KCNH7: variants seen among roughly 807,000 people sequenced by gnomAD.
KCNH7 encodes the protein voltage-gated inwardly rectifying potassium channel KCNH7.
KCNH7 carries 49 observed loss-of-function variants against 120.8 expected under a neutral mutation model. The observed-to-expected ratio is 0.41, with a 90% CI of 0.32 to 0.51. KCNH7 has a LOEUF of 0.51. Among genes scored for constraint, KCNH7 ranks in the 20% least tolerant of loss-of-function variants. The pLI is 0.38. For synonymous variants in KCNH7, 547 were observed against 516.1 expected (o/e 1.06, Z -0.81); for missense variants, 1,097 against 1,446.6 (o/e 0.76, Z 3.92).
intron 2 of KCNH7, among the ~76,000 whole-genome samples, chr2:162,566,956 G>T (rs970311446): frequency 1.8e-4 from 28 of 151,916 alleles, no homozygotes; most frequent in South Asian, 4.2e-4. Context: ...GTATTCAAAG[G>T]ATAAAGTCTA....
intron 2 of KCNH7, among the ~76,000 whole-genome samples, chr2:162,735,684 T>A (rs1330027007): frequency 2.0e-5 from 3 of 152,188 alleles, no homozygotes; most frequent in Non-Finnish European, 4.4e-5. Flanking sequence ...TTCCTCAGCC[T>A]TCTGCTCACA....
intron 2 of KCNH7, among the ~76,000 whole-genome samples, chr2:162,764,760 A>G (rs1279073329): frequency 2.0e-5 from 3 of 152,196 alleles, no homozygotes; most frequent in Non-Finnish European, 1.5e-5. Flanking sequence ...AATATCTTTA[A>G]GCAGATGCAG....
chr2:162,476,959 C>T (rs1689766293), intron 6 of KCNH7, among the ~76,000 whole-genome samples: 1 of 152,104 alleles, frequency 6.6e-6, no homozygotes, highest in Non-Finnish European at 1.5e-5. Flanking sequence ...AAGTTGTAGC[C>T]TTGGGCATCA....
intron 9 of KCNH7, among the ~76,000 whole-genome samples, chr2:162,417,287 T>C (rs1226783819): frequency 6.6e-6 from 1 of 152,172 alleles, no homozygotes; most frequent in Non-Finnish European, 1.5e-5. Flanking sequence ...TTCCAAAGAA[T>C]CTGTTATAAC....
At chr2:162,556,696 C>A (rs1692869905) in intron 2 of KCNH7, among the ~76,000 whole-genome samples, 1 of 152,122 alleles carries the variant, frequency 6.6e-6, no homozygotes, top group African/African-American at 2.4e-5. Flanking sequence ...ATCTCAAAAT[C>A]CTCACACAAA....
At chr2:162,778,710 T>C (rs988600718) in intron 2 of KCNH7, among the ~76,000 whole-genome samples, 1 of 152,200 alleles carries the variant, frequency 6.6e-6, no homozygotes, top group African/African-American at 2.4e-5. Context: ...CAAAAAGAGA[T>C]GATAGAGAAT....
chr2:162,764,127 T>C (rs1241360615), intron 2 of KCNH7, among the ~76,000 whole-genome samples: 1 of 152,136 alleles, frequency 6.6e-6, no homozygotes. Flanking sequence ...CCCAATAGTA[T>C]ATTACTGCAA....
At chr2:162,520,155 CTTTTTTT>C (rs397873711) in intron 3 of KCNH7, among the ~76,000 whole-genome samples, 1 of 89,900 alleles carries the variant, frequency 1.1e-5, no homozygotes, top group African/African-American at 5.0e-5. Flanking sequence ...CAAGCCCAGG[CTTTTTTT>C]TTTTTTTTTT....
At chr2:162,624,302 G>T (rs1319300413) in intron 2 of KCNH7, among the ~76,000 whole-genome samples, 2 of 152,038 alleles carry the variant, frequency 1.3e-5, no homozygotes, top group Non-Finnish European at 2.9e-5. Context: ...CAAGAGGAAG[G>T]GGAAAAACAG....
chr2:162,832,302 G>C (rs1685505999), intron 2 of KCNH7, among the ~76,000 whole-genome samples: 1 of 152,026 alleles, frequency 6.6e-6, no homozygotes, highest in Non-Finnish European at 1.5e-5. Context: ...AGAATTAAGA[G>C]AGCTGAATGT....
intron 11 of KCNH7, among the ~76,000 whole-genome samples, chr2:162,394,772 T>A (rs762945015): frequency 6.6e-6 from 1 of 151,886 alleles, no homozygotes; most frequent in African/African-American, 2.4e-5. Flanking sequence ...ATAAAATATT[T>A]CTTTATGTGG....
chr2:162,677,700 C>T (rs565292935), intron 2 of KCNH7, among the ~76,000 whole-genome samples: 10 of 151,456 alleles, frequency 6.6e-5, no homozygotes, highest in South Asian at 6.2e-4. Flanking sequence ...CTGAGTCATA[C>T]GGTACAAATG....
At chr2:162,492,611 A>G (rs1476997088) in intron 6 of KCNH7, among the ~76,000 whole-genome samples, 1 of 151,986 alleles carries the variant, frequency 6.6e-6, no homozygotes, top group Non-Finnish European at 1.5e-5. Flanking sequence ...ACTGTTTTCC[A>G]CCTCTGAAAA....
In KCNH7 at chr2:162,504,522, G is replaced by C. The variant is rs2105753315; in HGVS notation, c.1049C>G (p.Ser350Ter). 1 of 1,612,934 alleles carries C rather than the reference G, an allele frequency of 6.2e-7. No homozygotes were observed. The highest frequency in any genetic ancestry group is 8.5e-7 in the Non-Finnish European group (1 of 1,179,222). ...AATGGTTTTATCTGAAGAAGGAGGT[G>C]ATGAATTCTTTTTCTCAGTTTTGAC... is the stretch of plus-strand genomic sequence containing the variant. ...SEVKTEKKNSSPPSSDKTIIA... is the reference protein window; with the variant it reads ...SEVKTEKKNS Residue 350 changes from serine (S) to a stop codon, truncating the protein, a stop_gained, in exon 6 of 16, where the codon TCA (serine) becomes TGA (stop). Transcript: ENST00000332142. LOFTEE classifies it high-confidence loss of function.
chr2:162,702,955 A>G (rs1479219842), intron 2 of KCNH7, among the ~76,000 whole-genome samples: 1 of 152,098 alleles, frequency 6.6e-6, no homozygotes, highest in Non-Finnish European at 1.5e-5. Flanking sequence ...GGGCTCCCCA[A>G]GTGCACTAGA....
chr2:162,556,690 C>T (rs544234258), intron 2 of KCNH7, among the ~76,000 whole-genome samples: 1 of 152,294 alleles, frequency 6.6e-6, no homozygotes, highest in South Asian at 2.1e-4. Flanking sequence ...AATTTAATCT[C>T]AAAATCCTCA....
At chr2:162,494,280 A>C (rs1558976252) in intron 6 of KCNH7, among the ~76,000 whole-genome samples, 1 of 152,126 alleles carries the variant, frequency 6.6e-6, no homozygotes, top group African/African-American at 2.4e-5. Flanking sequence ...TAAATAACTT[A>C]GGGTAATCTG....
intron 2 of KCNH7, among the ~76,000 whole-genome samples, chr2:162,679,001 C>G (rs1685620642): frequency 6.6e-6 from 1 of 151,534 alleles, no homozygotes; most frequent in Non-Finnish European, 1.5e-5. Context: ...GATTTATATT[C>G]CAACATGAAC....
intron 2 of KCNH7, among the ~76,000 whole-genome samples, chr2:162,636,131 C>T (rs554700294): frequency 2.6e-5 from 4 of 152,126 alleles, no homozygotes; most frequent in African/African-American, 9.6e-5. Context: ...TTATTTAGCA[C>T]ATTTTTTTTC....
Sources: allele counts gnomAD v4.1 joint callset (sites outside exome capture counted in the v4.1 genomes callset), GRCh38; gene constraint gnomAD v4.1.1; transcripts MANE v1.5; gene names NCBI Gene and HGNC (gene_info 2026-07-23, HGNC 2026-07-21).